The following ZFR2 variants were observed in gnomAD, a reference collection of about 807,000 sequenced individuals.
ZFR2 encodes the protein zinc finger RNA binding protein 2, also known as zinc finger RNA-binding protein 2.
Under a neutral mutation model 105.7 loss-of-function variants are expected in ZFR2, and 104 were observed. The observed-to-expected ratio is 0.98, with a 90% CI of 0.84 to 1.16. The LOEUF (loss-of-function observed/expected upper bound fraction) is 1.16, where lower values mean the gene tolerates loss of function less well. Among genes scored for constraint, ZFR2 ranks in the 50% most tolerant of loss-of-function variants. The probability of loss-of-function intolerance (pLI) is 0.00; values close to 1 mark genes in which losing one functional copy is unlikely to be tolerated. For missense variants in ZFR2, 1,425 were observed against 1,355.5 expected (o/e 1.05, Z -0.80); for synonymous variants, 634 against 597.7 (o/e 1.06, Z -0.89).
In ZFR2 at chr19:3,823,668, C is replaced by T. The variant is rs548683401; in HGVS notation, c.1214-265G>A. On this transcript the variant is annotated intron_variant, in intron 7 of 18. Coordinates refer to ENST00000262961, the MANE Select transcript of ZFR2 (RefSeq NM_015174.2). The surrounding 1 kb of genome is among the most constrained non-coding windows in gnomAD (Gnocchi z 5.4). The stretch of plus-strand genomic sequence containing the variant: ...TTAGGCCCTCGCTTGAGGAACCCAC[C>T]GACAGCACAAAATCCACAGTTAATA... 1.3e-5 allele frequency among the ~76,000 whole-genome samples: 2 copies of T among 152,164 alleles called. No individual in the cohort carries two copies. Among genetic ancestry groups the T allele is most frequent in the Non-Finnish European group, 2.9e-5 (2 of 68,040 alleles).
chr19:3,816,537 C>T (rs971520943), intron 13 of ZFR2, 137 bp downstream of exon 13: 89 of 1,339,252 alleles, frequency 6.6e-5, no homozygotes, highest in Middle Eastern at 2.7e-4. Flanking sequence ...TGAGCCACTG[C>T]GCCTGGCTTA....
At position 3,805,626 on chromosome 19, in the gene ZFR2, C is replaced by T; in HGVS notation, c.*323G>A. The T allele has an allele frequency of 3.9e-6, 1 of 253,254 alleles. No individual in the cohort carries two copies. Among genetic ancestry groups the T allele is most frequent in the East Asian group, 8.3e-5 (1 of 12,026 alleles). The allele number at this position is 253,254 out of a possible 1,614,324, so 15.7% of individuals were successfully genotyped here. A position where few individuals can be genotyped will look rare whatever the true frequency, so the allele number is the denominator to read the frequency against. On this transcript the variant is annotated 3_prime_UTR_variant, in exon 19 of 19. Coordinates refer to ENST00000262961, the MANE Select transcript of ZFR2 (RefSeq NM_015174.2). The stretch of plus-strand genomic sequence containing the variant: ...TCGGCCTCTCAAAGTGCTGGGATTA[C>T]AGGCGTGAATCACCGCGCCTGGCCA...
At position 3,856,067 on chromosome 19, in the gene ZFR2, AGAC is replaced by A. The variant is rs142660259; in HGVS notation, c.53+12895_53+12897del. ...AAGGAAGCGTGAAGGTCCAAAATACAGACGAGGCAGGCTGGTGCGCGGTGGAGG... is the reference window on the plus strand; with the variant it reads ...AAGGAAGCGTGAAGGTCCAAAATACAGAGGCAGGCTGGTGCGCGGTGGAGG... On this transcript the variant is annotated intron_variant, in intron 1 of 18. Transcript: ENST00000262961. Among the ~76,000 whole-genome samples, 1,480 of 152,338 alleles carry A rather than the reference AGAC, an allele frequency of 9.7e-3. 31 individuals carry two copies. Among genetic ancestry groups the A allele is most frequent in the African/African-American group, 0.034 (1,404 of 41,574 alleles).
intron 16 of ZFR2, among the ~76,000 whole-genome samples, chr19:3,810,089 G>A (rs191136969): frequency 2.6e-4 from 39 of 152,276 alleles, no homozygotes; most frequent in Admixed American, 1.3e-4. Context: ...AGGCCCAGTG[G>A]GAGGGACCAC....
intron 1 of ZFR2, among the ~76,000 whole-genome samples, chr19:3,848,730 G>A (rs550330116): frequency 9.9e-5 from 15 of 151,128 alleles, no homozygotes; most frequent in African/African-American, 3.2e-4. Flanking sequence ...GGTGGCTCAC[G>A]CCTGTAATCC....
chr19:3,855,595 A>T, intron 1 of ZFR2: 1 of 515,644 alleles, frequency 1.9e-6, no homozygotes, highest in Non-Finnish European at 3.0e-6. Context: ...GGGTCAGCAA[A>T]ATAATTCAAC....
intron 1 of ZFR2, among the ~76,000 whole-genome samples, chr19:3,863,284 T>A (rs2038393025): frequency 6.6e-6 from 1 of 152,178 alleles, no homozygotes; most frequent in East Asian, 1.9e-4. Flanking sequence ...CCTGTTCTCA[T>A]GGTCAGCATG....
chr19:3,832,858 C>T (rs1293187575), intron 3 of ZFR2, among the ~76,000 whole-genome samples: 7 of 151,322 alleles, frequency 4.6e-5, no homozygotes, highest in East Asian at 2.0e-4. Context: ...AGGCTGGTCT[C>T]GAACTCCTAG....
At chr19:3,807,741 TGTGC>T (rs1346082470) in intron 17 of ZFR2, among the ~76,000 whole-genome samples, 4 of 134,496 alleles carry the variant, frequency 3.0e-5, no homozygotes, top group African/African-American at 1.3e-4. Flanking sequence ...TGTGTGCATG[TGTGC>T]CTGTGCATGC....
At chr19:3,818,940 G>A (rs2037854779) in intron 12 of ZFR2, 105 bp downstream of exon 12, 1 of 1,403,638 alleles carries the variant, frequency 7.1e-7, no homozygotes, top group African/African-American at 1.5e-5. Context: ...GCCACCGACG[G>A]CTCCAGGCCC....
chr19:3,825,047 G>A (rs1218724898), intron 7 of ZFR2, among the ~76,000 whole-genome samples, 183 bp downstream of exon 7: 3 of 152,212 alleles, frequency 2.0e-5, no homozygotes, highest in Non-Finnish European at 4.4e-5. Context: ...GTTCAGGGCG[G>A]TGTGGGCCAG....
rs45497098 is a variant in ZFR2 at position 3,813,686 on chromosome 19, A to G, written c.2242+134T>C. On this transcript the variant is annotated intron_variant, in intron 14 of 18. Transcript: ENST00000262961. This position sits in a 1 kb window ranked among gnomAD's most constrained non-coding sequence, Gnocchi z 4.4. ...TGACCCATGGAATCCTCAGGGGGAC[A>G]GCAGTGCTGGAGCGTGGCTGCTGTG... The G allele has an allele frequency of 0.25, 314,169 of 1,267,750 alleles. 42,028 individuals carry two copies. Among genetic ancestry groups the G allele is most frequent in the Non-Finnish European group, 0.27 (250,577 of 920,514 alleles). 78.5% of individuals were successfully genotyped at this position (1,267,750 alleles called of 1,614,324 possible).
intron 1 of ZFR2, among the ~76,000 whole-genome samples, chr19:3,865,053 C>T (rs560012410): frequency 6.6e-6 from 1 of 152,144 alleles, no homozygotes. Flanking sequence ...CCGGCCTGCG[C>T]TCAGTGCTAA....
Position 3,822,241 on chromosome 19 carries a change from G to A in ZFR2, c.1372-41C>T, listed in dbSNP as rs1175617270. The A allele has an allele frequency of 1.7e-5, 27 of 1,546,714 alleles. No homozygotes were observed. The East Asian group carries it at 6.3e-4, about 36-fold the overall frequency. ...GCCGCACGCGCACCAGGCACGAGGC[G>A]GGGTGGGATGTGAGATGCTACCGCT... On this transcript the variant is annotated intron_variant, in intron 8 of 18. Coordinates refer to ENST00000262961, the MANE Select transcript of ZFR2 (RefSeq NM_015174.2).
In ZFR2 at chr19:3,859,484, G is replaced by A. The variant is rs576613055; in HGVS notation, c.53+9481C>T. Among the ~76,000 whole-genome samples the A allele has an allele frequency of 5.3e-5, 8 of 152,338 alleles. No individual in the cohort carries two copies. In the South Asian group the frequency reaches 1.5e-3, roughly 28 times the overall value. On this transcript the variant is annotated intron_variant, in intron 1 of 18. Transcript: ENST00000262961. ...CCTTTCATGGAGACCTCTATCCTGT[G>A]AGTCCTGTCCCTCTAGAGACCCTGG... is the stretch of plus-strand genomic sequence containing the variant.
intron 5 of ZFR2, 75 bp downstream of exon 5, chr19:3,831,228 G>A (rs966171650): frequency 5.6e-6 from 8 of 1,431,016 alleles, no homozygotes; most frequent in Non-Finnish European, 6.4e-6. Flanking sequence ...CCACCCCACC[G>A]GCGCCCACAT....
At chr19:3,868,222 C>A (rs1423763800) in intron 1 of ZFR2, among the ~76,000 whole-genome samples, 1 of 150,974 alleles carries the variant, frequency 6.6e-6, no homozygotes, top group East Asian at 2.0e-4. Flanking sequence ...GGGGCCAATT[C>A]CTCACCCCTC....
chr19:3,818,927 C>T lies in ZFR2; in HGVS notation c.1931+118G>A, dbSNP rs992303785. The T allele has an allele frequency of 6.9e-6, 9 of 1,301,324 alleles. No homozygotes were observed. In the African/African-American group the frequency reaches 1.4e-4, roughly 20 times the overall value. 80.6% of individuals were successfully genotyped at this position (1,301,324 alleles called of 1,614,324 possible). A position where few individuals can be genotyped will look rare whatever the true frequency, so the allele number is the denominator to read the frequency against. On this transcript the variant is annotated intron_variant, in intron 12 of 18. Transcript: ENST00000262961. The stretch of plus-strand genomic sequence containing the variant: ...TACTCCTGGGGCTGGAAAGCTGCCG[C>T]GGGCCACCGACGGCTCCAGGCCCAT...
chr19:3,847,527 AG>A (rs2038195624), intron 1 of ZFR2, among the ~76,000 whole-genome samples: 1 of 152,074 alleles, frequency 6.6e-6, no homozygotes, highest in Admixed American at 6.6e-5. Context: ...CCTTCTCAAA[AG>A]AAAAAAAAAA....
Sources: allele counts gnomAD v4.1 joint callset (sites outside exome capture counted in the v4.1 genomes callset), GRCh38; gene constraint gnomAD v4.1.1; non-coding constraint Gnocchi (gnomAD v3.1); transcripts MANE v1.5; gene names NCBI Gene and HGNC (gene_info 2026-07-23, HGNC 2026-07-21).